IGSF5: variants seen among roughly 807,000 people sequenced by gnomAD.
The protein encoded by IGSF5 is immunoglobulin superfamily member 5, also known as immunoglobulin superfamily 5 like.
A neutral mutation model predicts 39.4 loss-of-function variants in IGSF5; 41 were observed. The ratio of observed to expected loss-of-function variants is 1.04; its 90% CI spans 0.81 to 1.35. IGSF5 has a LOEUF of 1.35. IGSF5 is among the 40% of genes most tolerant of loss of function. The pLI, the probability that IGSF5 is intolerant of heterozygous loss-of-function variation, is 0.00. For synonymous variants in IGSF5, 183 were observed against 175.3 expected, an observed-to-expected ratio of 1.04 and a Z score of -0.34; for missense variants, 487 against 494.6, an observed-to-expected ratio of 0.98 and a Z score of 0.15.
chr21:39,782,508 C>G (rs1364907734), intron 5 of IGSF5, among the ~76,000 whole-genome samples: 1 of 152,172 alleles, frequency 6.6e-6, no homozygotes, highest in Non-Finnish European at 1.5e-5. Flanking sequence ...CAAACAATAA[C>G]TCCCTATTCC....
chr21:39,755,840 A>G (rs4818083), intron 2 of IGSF5, among the ~76,000 whole-genome samples: 107,716 of 152,030 alleles, frequency 0.71, 40,896 homozygotes, highest in Non-Finnish European at 0.84. Context: ...GTGGTGGCTC[A>G]TGCCTGTAAT....
chr21:39,750,604 G>C (rs945165874), intron 2 of IGSF5, among the ~76,000 whole-genome samples: 4 of 151,138 alleles, frequency 2.6e-5, no homozygotes, highest in Non-Finnish European at 5.9e-5. Flanking sequence ...GCAAAGCCAC[G>C]TTCCTGTGTT....
chr21:39,721,673 CCCTTCCTTCCTT>C, the IGSF5 span, among the ~76,000 whole-genome samples: 37,117 of 140,816 alleles, frequency 0.26, 5,324 homozygotes, highest in Middle Eastern at 0.44. Context: ...GGCCATCTGT[CCCTTCCTTCCTT>C]CCTTCCTTCC....
In IGSF5 at chr21:39,793,654, T is replaced by C. The variant is rs758032326; in HGVS notation, c.1128+41T>C. 3.3e-6 allele frequency: 5 copies of C among 1,516,164 alleles called. No homozygotes were observed. In the Admixed American group the frequency reaches 6.9e-5, roughly 21 times the overall value. The allele number at this position is 1,516,164 out of a possible 1,614,324, so 93.9% of individuals were successfully genotyped here. The stretch of plus-strand genomic sequence containing the variant: ...TTCCCCCTTTTTGGACTTTTTTGGC[T>C]ATTTAAAAATTCTTACCTTGTTGTG... On this transcript the variant is annotated intron_variant, in intron 8 of 8. Transcript: ENST00000380588.
In IGSF5 at chr21:39,771,068, C is replaced by A; in HGVS notation, c.571C>A (p.Pro191Thr). The change falls in exon 4 of 9, where the codon CCG (proline) becomes ACG (threonine). Residue 191 changes from proline to threonine, a missense_variant. By Grantham distance (38) the Pro-to-Thr change is conservative (BLOSUM62 -1). Transcript: ENST00000380588. Reference protein sequence around the residue: ...LVSHSSYYFVPEPSDLQSAVS... With the variant: ...LVSHSSYYFVTEPSDLQSAVS... Reference sequence around the variant, plus strand: ...CAGCCATTCAAGCTATTATTTTGTTCCGGAGCCCAGCGACCTTCAAAGTGC... The same window carrying A: ...CAGCCATTCAAGCTATTATTTTGTTACGGAGCCCAGCGACCTTCAAAGTGC... The A allele has an allele frequency of 1.2e-6, 2 of 1,613,750 alleles. No homozygotes were observed. The highest frequency in any genetic ancestry group is 1.7e-4 in the Middle Eastern group (1 of 6,056).
chr21:39,723,676 A>G, the IGSF5 span, among the ~76,000 whole-genome samples: 7 of 152,358 alleles, frequency 4.6e-5, no homozygotes, highest in South Asian at 4.1e-4. Flanking sequence ...GTCAAAAGGT[A>G]GAATGTATTC....
intron 4 of IGSF5, among the ~76,000 whole-genome samples, chr21:39,771,692 C>G (rs1445625502): frequency 3.3e-5 from 5 of 152,152 alleles, no homozygotes; most frequent in African/African-American, 1.2e-4. Flanking sequence ...TTGAAAGTGT[C>G]AAGTCTATAT....
At chr21:39,713,462 T>G in the IGSF5 span, among the ~76,000 whole-genome samples, 5 of 152,312 alleles carry the variant, frequency 3.3e-5, no homozygotes, top group South Asian at 2.1e-4. Context: ...GTGAGCTTGC[T>G]CTAGACCTAA....
At chr21:39,787,689 A>T (rs1222072898) in intron 5 of IGSF5, among the ~76,000 whole-genome samples, 2 of 152,090 alleles carry the variant, frequency 1.3e-5, no homozygotes, top group Non-Finnish European at 1.5e-5. Context: ...TCTGTTAAAA[A>T]TATAATAACA....
chr21:39,732,974 C>T, the IGSF5 span, among the ~76,000 whole-genome samples: 2 of 151,746 alleles, frequency 1.3e-5, no homozygotes, highest in East Asian at 3.9e-4. Context: ...TGCAGTGAAC[C>T]ATGATCACAC....
intron 3 of IGSF5, among the ~76,000 whole-genome samples, chr21:39,769,580 T>C (rs1035240115): frequency 6.6e-6 from 1 of 151,382 alleles, no homozygotes; most frequent in Non-Finnish European, 1.5e-5. Context: ...CAACTACATA[T>C]CTGTATGAAG....
intron 5 of IGSF5, among the ~76,000 whole-genome samples, chr21:39,785,360 T>C (rs2080194840): frequency 6.6e-6 from 1 of 152,148 alleles, no homozygotes; most frequent in African/African-American, 2.4e-5. Flanking sequence ...AAAGATCAGA[T>C]AGTTGTAGAT....
chr21:39,723,416 A>G, the IGSF5 span, among the ~76,000 whole-genome samples: 2 of 152,218 alleles, frequency 1.3e-5, no homozygotes, highest in Non-Finnish European at 2.9e-5. Flanking sequence ...GGAAGCTGCA[A>G]TCCCATGGAA....
the IGSF5 span, chr21:39,729,690 C>T: frequency 6.6e-6 from 1 of 152,096 alleles, no homozygotes; most frequent in Non-Finnish European, 1.5e-5. Context: ...TGGCCAGGAG[C>T]ATACACAGAA....
the IGSF5 span, among the ~76,000 whole-genome samples, chr21:39,722,316 A>G: frequency 4.6e-5 from 7 of 152,286 alleles, no homozygotes; most frequent in Non-Finnish European, 8.8e-5. Flanking sequence ...GCTGTCACCA[A>G]TCGTCGGGTT....
At chr21:39,743,272 C>T (rs186597339), upstream of IGSF5, among the ~76,000 whole-genome samples, 56 of 151,796 alleles carry the variant, frequency 3.7e-4, no homozygotes, top group African/African-American at 1.3e-3. Flanking sequence ...TACCAGAGAT[C>T]GCCAAACTCT....
At chr21:39,719,502 G>A in the IGSF5 span, among the ~76,000 whole-genome samples, 1 of 152,162 alleles carries the variant, frequency 6.6e-6, no homozygotes, top group African/African-American at 2.4e-5. Flanking sequence ...ATCAGGTCAG[G>A]CATATGATGA....
chr21:39,726,639 G>A, the IGSF5 span, among the ~76,000 whole-genome samples: 1 of 152,228 alleles, frequency 6.6e-6, no homozygotes, highest in Non-Finnish European at 1.5e-5. Flanking sequence ...TGGGGGACCA[G>A]CAAACACTTG....
chr21:39,746,133 T>A, intron 1 of IGSF5, 83 bp from the exon 2 acceptor site: 1 of 698,478 alleles, frequency 1.4e-6, no homozygotes, highest in Non-Finnish European at 2.6e-6. Context: ...TCGATTAGGA[T>A]GAACCCAGGC....
Sources: allele counts gnomAD v4.1 joint callset (sites outside exome capture counted in the v4.1 genomes callset), GRCh38; gene constraint gnomAD v4.1.1; transcripts MANE v1.5; gene names NCBI Gene and HGNC (gene_info 2026-07-23, HGNC 2026-07-21).